The following LOC128462377 variants were observed in gnomAD, a reference collection of about 807,000 sequenced individuals.
At chr16:89,396,120 T>C in the LOC128462377 span, 4 of 152,306 alleles carry the variant, frequency 2.6e-5, no homozygotes, top group Admixed American at 6.5e-5. Context: ...CAACTTGTTG[T>C]CAATGTGAAA....
the LOC128462377 span, chr16:89,403,579 C>T: frequency 1.3e-5 from 2 of 152,168 alleles, no homozygotes; most frequent in Non-Finnish European, 2.9e-5. Flanking sequence ...ACCAAACAGA[C>T]AAAGACCAGA....
the LOC128462377 span, among the ~76,000 whole-genome samples, chr16:89,327,320 C>A: frequency 6.6e-6 from 1 of 152,078 alleles, no homozygotes; most frequent in Non-Finnish European, 1.5e-5. Context: ...ATCCTCAACA[C>A]GATAAAGGCC....
chr16:89,379,248 T>C, the LOC128462377 span, among the ~76,000 whole-genome samples: 1 of 152,212 alleles, frequency 6.6e-6, no homozygotes, highest in South Asian at 2.1e-4. Context: ...GGCTCATGCT[T>C]TTTTAATCCT....
chr16:89,371,287 C>T, the LOC128462377 span, among the ~76,000 whole-genome samples: 1 of 152,300 alleles, frequency 6.6e-6, no homozygotes, highest in Non-Finnish European at 1.5e-5. Context: ...CACCACTAGG[C>T]AATTCTCACA....
the LOC128462377 span, among the ~76,000 whole-genome samples, chr16:89,395,418 T>A: frequency 6.6e-6 from 1 of 152,130 alleles, no homozygotes. Flanking sequence ...CATGCAAAGA[T>A]CAAAGAGAGG....
chr16:89,402,853 T>C, the LOC128462377 span, among the ~76,000 whole-genome samples: 14 of 39,844 alleles, frequency 3.5e-4, no homozygotes, highest in African/African-American at 1.2e-3. Context: ...GTGGGCGGGG[T>C]GGGGCCTGCA....
the LOC128462377 span, among the ~76,000 whole-genome samples, chr16:89,369,607 G>T: frequency 2.0e-5 from 3 of 152,324 alleles, no homozygotes; most frequent in East Asian, 5.8e-4. Flanking sequence ...GAGGATCCTG[G>T]AAAGGGAGGG....
chr16:89,389,747 G>C, the LOC128462377 span, among the ~76,000 whole-genome samples: 27 of 150,854 alleles, frequency 1.8e-4, no homozygotes, highest in Non-Finnish European at 3.8e-4. Flanking sequence ...CACCGAGTGT[G>C]GCGGGGAGCA....
chr16:89,384,049 G>A, the LOC128462377 span, among the ~76,000 whole-genome samples: 11 of 152,092 alleles, frequency 7.2e-5, no homozygotes, highest in Non-Finnish European at 1.5e-4. Context: ...GCAAAACCCT[G>A]TCTCTATTAA....
the LOC128462377 span, among the ~76,000 whole-genome samples, chr16:89,383,760 C>T: frequency 3.3e-5 from 5 of 152,136 alleles, no homozygotes; most frequent in Non-Finnish European, 5.9e-5. Context: ...AAGCAGCAGA[C>T]GGAAAGCCAA....
At chr16:89,370,903 C>T in the LOC128462377 span, among the ~76,000 whole-genome samples, 2 of 152,130 alleles carry the variant, frequency 1.3e-5, no homozygotes, top group African/African-American at 4.8e-5. Context: ...TCAACACACC[C>T]AAGAACAGAA....
chr16:89,336,721 A>T, the LOC128462377 span, among the ~76,000 whole-genome samples: 1 of 152,234 alleles, frequency 6.6e-6, no homozygotes, highest in African/African-American at 2.4e-5. Flanking sequence ...CCCTACAAGG[A>T]GTCCCCACTC....
the LOC128462377 span, among the ~76,000 whole-genome samples, chr16:89,413,884 C>CAGG: frequency 6.6e-6 from 1 of 152,130 alleles, no homozygotes; most frequent in Non-Finnish European, 1.5e-5. Context: ...TGGGGGGAGG[C>CAGG]AGGAGGGTGG....
chr16:89,368,377 T>TC, the LOC128462377 span, among the ~76,000 whole-genome samples: 1 of 126,844 alleles, frequency 7.9e-6, no homozygotes, highest in African/African-American at 3.2e-5. Context: ...TTGTGTTTTT[T>TC]TTTTTTTTTT....
chr16:89,402,637 G>A, the LOC128462377 span, among the ~76,000 whole-genome samples: 2 of 149,978 alleles, frequency 1.3e-5, no homozygotes, highest in African/African-American at 2.5e-5. Context: ...AGCTGTGGGT[G>A]GGGGGGGCAG....
chr16:89,375,943 C>T, the LOC128462377 span, among the ~76,000 whole-genome samples: 2 of 152,142 alleles, frequency 1.3e-5, no homozygotes, highest in Non-Finnish European at 2.9e-5. Flanking sequence ...AAAAGCTAAA[C>T]TTGCGTGACA....
chr16:89,381,887 T>G, the LOC128462377 span, among the ~76,000 whole-genome samples: 1 of 152,254 alleles, frequency 6.6e-6, no homozygotes, highest in Non-Finnish European at 1.5e-5. Context: ...GCCACTCACG[T>G]GGTGACCACA....
At chr16:89,321,463 G>A in the LOC128462377 span, among the ~76,000 whole-genome samples, 1 of 150,730 alleles carries the variant, frequency 6.6e-6, no homozygotes, top group African/African-American at 2.4e-5. Context: ...GAGCTGCGGG[G>A]CGGGGACTGT....
chr16:89,349,337 G>A, the LOC128462377 span, among the ~76,000 whole-genome samples: 150 of 151,120 alleles, frequency 9.9e-4, no homozygotes, highest in African/African-American at 3.4e-3. Context: ...AAAATTAGCC[G>A]GGCGTGGTGG....
Sources: gnomAD v4.1 joint callset for allele counts (sites outside exome capture counted in the v4.1 genomes callset) on GRCh38, gnomAD v4.1.1 for gene constraint, MANE v1.5 for transcripts.